Variants in HERC1 observed in about 807,000 individuals in gnomAD.
The protein encoded by HERC1 is HECT and RLD domain containing E3 ubiquitin protein ligase family member 1, also known as probable E3 ubiquitin-protein ligase HERC1.
In HERC1, 160 loss-of-function variants were observed where a neutral mutation model predicts 554.3. That is an observed-to-expected ratio of 0.29 (90% CI 0.25 to 0.33). HERC1 has a LOEUF of 0.33. Ranked by LOEUF, HERC1 falls within the 10% of genes least tolerant of loss-of-function variation. The probability of loss-of-function intolerance (pLI) is 1.00; values close to 1 mark genes in which losing one functional copy is unlikely to be tolerated. For synonymous variants in HERC1, 2,175 were observed against 2,131.7 expected, an observed-to-expected ratio of 1.02 and a Z score of -0.56; for missense variants, 4,919 against 5,918.5, an observed-to-expected ratio of 0.83 and a Z score of 5.54.
chr15:63,616,309 A>G, intron 75 of HERC1, 121 bp downstream of exon 75: 1 of 1,034,612 alleles, frequency 9.7e-7, no homozygotes, highest in Non-Finnish European at 1.4e-6. Flanking sequence ...AATGGCATAG[A>G]TATGGCATTG....
At position 63,698,823 on chromosome 15, in the gene HERC1, C is replaced by A. The variant is rs201849193; in HGVS notation, c.4810G>T (p.Gly1604Trp). The A allele has an allele frequency of 1.9e-6, 3 of 1,613,888 alleles. No individual in the cohort carries two copies. In the South Asian group the frequency reaches 3.3e-5, roughly 18 times the overall value. ...NVVSFVSGDV[G>W]NAPGFKEPEE... ...GGCTCTTTAAAACCTGGGGCATTCC[C>A]CACATCTCCACTCACAAAGCTTACA... The change falls in exon 26 of 78, where the codon GGG becomes TGG. Residue 1604 changes from glycine (G) to tryptophan (W), a missense_variant. Transcript: ENST00000443617.
chr15:63,768,268 C>T (rs2075845543), intron 2 of HERC1, among the ~76,000 whole-genome samples: 1 of 152,148 alleles, frequency 6.6e-6, no homozygotes. Flanking sequence ...ACACGAATTA[C>T]CTGGTGATCT....
At chr15:63,760,050 G>A (rs2075556163) in intron 3 of HERC1, among the ~76,000 whole-genome samples, 1 of 151,944 alleles carries the variant, frequency 6.6e-6, no homozygotes, top group Non-Finnish European at 1.5e-5. Flanking sequence ...TCTTGATACT[G>A]GCCAGCCAGG....
At chr15:63,698,620 G>T in intron 26 of HERC1, 108 bp downstream of exon 26, 1 of 1,076,860 alleles carries the variant, frequency 9.3e-7, no homozygotes, top group Non-Finnish European at 1.3e-6. Context: ...CAGGAAAGGG[G>T]AAGGCAAGGA....
At chr15:63,733,851 C>CAA (rs200133130) in intron 13 of HERC1, among the ~76,000 whole-genome samples, 13 of 149,982 alleles carry the variant, frequency 8.7e-5, no homozygotes, top group Admixed American at 8.0e-4. Context: ...AACCCTGTCT[C>CAA]AAAAAGAAAA....
Position 63,624,272 on chromosome 15 carries a change from C to T in HERC1, c.13331G>A (p.Arg4444Gln), listed in dbSNP as rs201872684. 32 of 1,613,522 alleles carry T rather than the reference C, an allele frequency of 2.0e-5. 1 individual carries two copies. The Middle Eastern group carries it at 6.6e-4, about 33-fold the overall frequency. Residue 4444 changes from arginine (R) to glutamine (Q), a missense_variant, in exon 72 of 78, where the codon CGG (arginine) becomes CAG (glutamine). Arg to Gln is a conservative substitution (Grantham distance 43). Transcript: ENST00000443617. ...GTAGACTCTTGGGGCTAACAAAGGC[C>T]GAAGTTGTCCCTGTACAATGCCCCA... ...GTWGIVQGQL[R>Q]PLLAPRVYTL... is the part of the protein sequence containing the mutation.
intron 74 of HERC1, among the ~76,000 whole-genome samples, chr15:63,621,146 C>T (rs1308189355): frequency 2.4e-4 from 36 of 152,308 alleles, no homozygotes; most frequent in African/African-American, 8.7e-4. Flanking sequence ...TCTTCCTTTC[C>T]ATGTTTAGTG....
intron 74 of HERC1, among the ~76,000 whole-genome samples, chr15:63,620,500 T>C (rs1427315414): frequency 6.6e-6 from 1 of 152,224 alleles, no homozygotes; most frequent in Non-Finnish European, 1.5e-5. Flanking sequence ...TCTGTAGATA[T>C]CTATTAGGTC....
In HERC1 at chr15:63,775,757, GCCGGGT is replaced by G. The variant is rs2076093413; in HGVS notation, c.-26-114_-26-109del. 2 of 803,258 alleles carry G rather than the reference GCCGGGT, an allele frequency of 2.5e-6. No homozygotes were observed. Among genetic ancestry groups the G allele is most frequent in the Admixed American group, 3.1e-5 (1 of 32,774 alleles). The allele number at this position is 803,258 out of a possible 1,614,324, so 49.8% of individuals were successfully genotyped here. A position where few individuals can be genotyped will look rare whatever the true frequency, so the allele number is the denominator to read the frequency against. ...AATGATTTCAAACTGGTGAAATGCA[GCCGGGT>G]GCGGTGGCTCACGCCTGTAATCCCA... On this transcript the variant is annotated intron_variant, in intron 1 of 77. Coordinates refer to ENST00000443617, the MANE Select transcript of HERC1 (RefSeq NM_003922.4). This position sits in a 1 kb window ranked among gnomAD's most constrained non-coding sequence, Gnocchi z 4.0.
chr15:63,662,500 T>C (rs1464276169), intron 44 of HERC1, among the ~76,000 whole-genome samples: 1 of 152,228 alleles, frequency 6.6e-6, no homozygotes, highest in Non-Finnish European at 1.5e-5. Flanking sequence ...TGCTAACCAA[T>C]GTATATACAA....
At position 63,680,411 on chromosome 15, in the gene HERC1, G is replaced by T; in HGVS notation, c.6465+126C>A. 1 of 1,068,124 alleles carries T rather than the reference G, an allele frequency of 9.4e-7. No homozygotes were observed. Among genetic ancestry groups the T allele is most frequent in the Non-Finnish European group, 1.3e-6 (1 of 762,530 alleles). The allele number at this position is 1,068,124 out of a possible 1,614,324, so 66.2% of individuals were successfully genotyped here. A position where few individuals can be genotyped will look rare whatever the true frequency, so the allele number is the denominator to read the frequency against. On this transcript the variant is annotated intron_variant, in intron 35 of 77. Coordinates refer to ENST00000443617, the MANE Select transcript of HERC1 (RefSeq NM_003922.4). The surrounding 1 kb of genome is among the most constrained non-coding windows in gnomAD (Gnocchi z 5.8). ...TTGTTAATAAATGTTTTAAGAACCA[G>T]AAAGTATTAGAGAGAAAGGAGAGAC...
chr15:63,671,639 C>A (rs1459471686), intron 39 of HERC1, among the ~76,000 whole-genome samples: 1 of 152,152 alleles, frequency 6.6e-6, no homozygotes, highest in Admixed American at 6.6e-5. Flanking sequence ...ACCAGACCTA[C>A]TGAATCAGAC....
chr15:63,609,390 G>T, intron 77 of HERC1, 124 bp from the exon 78 acceptor site: 1 of 853,394 alleles, frequency 1.2e-6, no homozygotes, highest in Non-Finnish European at 1.7e-6. Flanking sequence ...TAAGTCAAGT[G>T]GACACAGAGA....
At chr15:63,664,698 T>C in intron 42 of HERC1, 104 bp from the exon 43 acceptor site, 1 of 946,080 alleles carries the variant, frequency 1.1e-6, no homozygotes, top group Non-Finnish European at 1.5e-6. Flanking sequence ...TCATTGAGAA[T>C]AAAATATGTT....
At chr15:63,660,000 T>C in intron 46 of HERC1, 64 bp from the exon 47 acceptor site, 1 of 1,287,158 alleles carries the variant, frequency 7.8e-7, no homozygotes, top group Non-Finnish European at 1.1e-6. Flanking sequence ...CTGCTGGCAA[T>C]GGTTGTTCTG....
At chr15:63,767,557 G>A (rs1011265608) in intron 2 of HERC1, among the ~76,000 whole-genome samples, 12 of 152,076 alleles carry the variant, frequency 7.9e-5, no homozygotes, top group Non-Finnish European at 1.6e-4. Flanking sequence ...TTTTAGCCGG[G>A]CGTGGTGGCG....
At chr15:63,620,692 T>C (rs962167369) in intron 74 of HERC1, among the ~76,000 whole-genome samples, 1 of 152,044 alleles carries the variant, frequency 6.6e-6, no homozygotes, top group Non-Finnish European at 1.5e-5. Context: ...ATTGGGTGCA[T>C]ATATATTTAG....
At chr15:63,703,128 A>AG (rs1491228981) in intron 25 of HERC1, among the ~76,000 whole-genome samples, 4 of 151,594 alleles carry the variant, frequency 2.6e-5, no homozygotes, top group African/African-American at 9.7e-5. Flanking sequence ...AAAAAAAAAA[A>AG]GAGTAAATTT....
intron 1 of HERC1, among the ~76,000 whole-genome samples, chr15:63,792,835 T>C (rs2076691160): frequency 1.3e-5 from 2 of 152,168 alleles, no homozygotes; most frequent in African/African-American, 4.8e-5. Context: ...GGCTCAGTCC[T>C]AGAAAACTGT....
Sources: allele counts gnomAD v4.1 joint callset (sites outside exome capture counted in the v4.1 genomes callset), GRCh38; gene constraint gnomAD v4.1.1; non-coding constraint Gnocchi (gnomAD v3.1); transcripts MANE v1.5; gene names NCBI Gene and HGNC (gene_info 2026-07-23, HGNC 2026-07-21).